DNAH14: variants seen among roughly 807,000 people sequenced by gnomAD.
DNAH14 encodes the protein dynein axonemal heavy chain 14.
In DNAH14, 478 loss-of-function variants were observed where a neutral mutation model predicts 520.9. That is an observed-to-expected ratio of 0.92 (90% CI 0.85 to 0.99). The LOEUF (loss-of-function observed/expected upper bound fraction) is 0.99. Ranked by LOEUF, DNAH14 falls within the 50% of genes least tolerant of loss-of-function variation. The probability of loss-of-function intolerance (pLI) is 0.00; values close to 1 mark genes in which losing one functional copy is unlikely to be tolerated. For missense variants in DNAH14, 4,831 were observed against 5,234.5 expected (o/e 0.92, Z 2.38); for synonymous variants, 1,581 against 1,757.2 (o/e 0.90, Z 2.51).
chr1:225,267,587 G>A lies in DNAH14; in HGVS notation c.7539+818G>A, dbSNP rs1296046018. On this transcript the variant is annotated intron_variant, in intron 49 of 85. Transcript: ENST00000682510. ...TTACAGGCGTGAGCCACCATGCCCGGCCAGAATGGCTTACTTTTTAAACAA... is the reference window on the plus strand; with the variant it reads ...TTACAGGCGTGAGCCACCATGCCCGACCAGAATGGCTTACTTTTTAAACAA... Among the ~76,000 whole-genome samples, 7 of 152,176 alleles carry A rather than the reference G, an allele frequency of 4.6e-5. No individual in the cohort carries two copies. In the South Asian group the frequency reaches 1.0e-3, roughly 23 times the overall value.
At chr1:225,018,444 G>A (rs2065390448) in intron 10 of DNAH14, among the ~76,000 whole-genome samples, 1 of 152,166 alleles carries the variant, frequency 6.6e-6, no homozygotes, top group African/African-American at 2.4e-5. Flanking sequence ...CCTTAAAGAG[G>A]AGAGCAAGCC....
At chr1:225,267,652 C>G (rs1422340379) in intron 49 of DNAH14, among the ~76,000 whole-genome samples, 1 of 152,048 alleles carries the variant, frequency 6.6e-6, no homozygotes. Context: ...TGTTCAGGTC[C>G]TTCTCTGGAA....
chr1:225,104,105 T>C (rs1288501970), intron 23 of DNAH14, among the ~76,000 whole-genome samples: 2 of 152,210 alleles, frequency 1.3e-5, no homozygotes, highest in Non-Finnish European at 2.9e-5. Context: ...TGAAGCGTTG[T>C]TGAATTTTGT....
At chr1:225,283,063 T>G (rs893024523) in intron 54 of DNAH14, among the ~76,000 whole-genome samples, 13 of 151,484 alleles carry the variant, frequency 8.6e-5, no homozygotes, top group Admixed American at 2.0e-4. Context: ...ACTAAAAATA[T>G]ATATAATAAA....
At chr1:225,310,425 T>A (rs960219523) in intron 60 of DNAH14, among the ~76,000 whole-genome samples, 1 of 152,204 alleles carries the variant, frequency 6.6e-6, no homozygotes, top group Non-Finnish European at 1.5e-5. Flanking sequence ...GAAAATTACC[T>A]CACACACTCC....
At position 224,952,723 on chromosome 1, in the gene DNAH14, T is replaced by C. The variant is rs764641745; in HGVS notation, c.21T>C (p.Ile7=). Residue 7 remains isoleucine (I), a synonymous_variant, in exon 2 of 86, where the codon ATT becomes ATC. Transcript: ENST00000682510. ...AACATATGGAGACGTTTATACCCATTGATTTGACAACTGAAAATCAAGAGA... is the reference window on the plus strand; with the variant it reads ...AACATATGGAGACGTTTATACCCATCGATTTGACAACTGAAAATCAAGAGA... The part of the protein sequence containing the change: METFIP[I]DLTTENQEMD... 5 of 1,604,182 alleles carry C rather than the reference T, an allele frequency of 3.1e-6. No individual in the cohort carries two copies. The highest frequency in any genetic ancestry group is 4.3e-6 in the Non-Finnish European group (5 of 1,175,710).
In DNAH14 at chr1:225,193,423, CAT is replaced by C. The variant is rs1281736248; in HGVS notation, c.5886+514_5886+515del. 3.3e-5 allele frequency among the ~76,000 whole-genome samples: 5 copies of C among 152,198 alleles called. No individual in the cohort carries two copies. The South Asian group carries it at 6.2e-4, about 19-fold the overall frequency. On this transcript the variant is annotated intron_variant, in intron 38 of 85. Transcript: ENST00000682510. Reference sequence around the variant, plus strand: ...CAAACAGAGAAGCCAGGTGTGGTGGCATACACCTGTAATCCCAGCTCCTCTGG... The same window carrying C: ...CAAACAGAGAAGCCAGGTGTGGTGGCACACCTGTAATCCCAGCTCCTCTGG...
intron 25 of DNAH14, 103 bp from the exon 26 acceptor site, chr1:225,119,117 A>G (rs1573247635): frequency 1.3e-6 from 1 of 770,240 alleles, no homozygotes; most frequent in East Asian, 3.1e-5. Context: ...GCCCATGAAT[A>G]TTATTAAAGT....
intron 41 of DNAH14, among the ~76,000 whole-genome samples, chr1:225,223,401 T>C (rs12094453): frequency 0.026 from 4,024 of 152,160 alleles, 158 homozygotes; most frequent in African/African-American, 0.081. Flanking sequence ...TCTCTCAAAA[T>C]CCTATTTGGG....
At chr1:225,151,669 A>G (rs143211859) in intron 31 of DNAH14, among the ~76,000 whole-genome samples, 4,227 of 152,240 alleles carry the variant, frequency 0.028, 80 homozygotes, top group Non-Finnish European at 0.037. Context: ...GTGTTCTACT[A>G]TATCTTCCAG....
intron 17 of DNAH14, among the ~76,000 whole-genome samples, chr1:225,056,944 T>C (rs140464362): frequency 0.74 from 112,325 of 152,084 alleles, 44,368 homozygotes; most frequent in Non-Finnish European, 0.88. Flanking sequence ...CCTTGTAGTA[T>C]AGTTTGAAGT....
intron 22 of DNAH14, among the ~76,000 whole-genome samples, chr1:225,100,427 A>G (rs982007459): frequency 1.3e-5 from 2 of 152,128 alleles, no homozygotes; most frequent in Non-Finnish European, 2.9e-5. Context: ...TAGGACACAG[A>G]TTGTTTCTAC....
At chr1:225,341,822 G>A (rs1053443452) in intron 69 of DNAH14, among the ~76,000 whole-genome samples, 4 of 152,160 alleles carry the variant, frequency 2.6e-5, no homozygotes, top group Non-Finnish European at 4.4e-5. Context: ...TAAGTCAACT[G>A]TGATAAAATA....
At chr1:225,150,522 G>A (rs1396908816) in intron 31 of DNAH14, among the ~76,000 whole-genome samples, 2 of 152,082 alleles carry the variant, frequency 1.3e-5, no homozygotes, top group Non-Finnish European at 2.9e-5. Context: ...GAATCTGTTC[G>A]ATCCTGGGCC....
chr1:225,312,250 CTAT>C (rs1178860936), intron 60 of DNAH14, among the ~76,000 whole-genome samples: 1 of 152,038 alleles, frequency 6.6e-6, no homozygotes, highest in African/African-American at 2.4e-5. Flanking sequence ...CTCTGTTTGT[CTAT>C]TATTAGTATA....
chr1:225,152,133 A>T, intron 32 of DNAH14, 60 bp downstream of exon 32: 1 of 1,416,012 alleles, frequency 7.1e-7, no homozygotes, highest in Non-Finnish European at 9.6e-7. Context: ...CTTAAATCTT[A>T]TCTACAGATG....
intron 35 of DNAH14, among the ~76,000 whole-genome samples, chr1:225,166,579 T>C (rs999388195): frequency 2.0e-4 from 31 of 152,322 alleles, no homozygotes; most frequent in African/African-American, 7.5e-4. Flanking sequence ...CATACCCACA[T>C]AGGAATATAT....
At chr1:225,213,060 T>G (rs1314263402) in intron 41 of DNAH14, among the ~76,000 whole-genome samples, 2 of 152,236 alleles carry the variant, frequency 1.3e-5, no homozygotes, top group African/African-American at 4.8e-5. Flanking sequence ...TTTAAGTCTT[T>G]GATCCATCTT....
In DNAH14 at chr1:225,290,078, A is replaced by G; in HGVS notation, c.8465A>G (p.Glu2822Gly). The G allele has an allele frequency of 6.9e-7, 1 of 1,455,044 alleles. No individual in the cohort carries two copies. The highest frequency in any genetic ancestry group is 9.1e-7 in the Non-Finnish European group (1 of 1,094,210). 90.1% of individuals were successfully genotyped at this position (1,455,044 alleles called of 1,614,324 possible). ...CTGATGGTTCCCAATTTAAACATAGAACAAGTAAGTACTTTTTGTCTTTGC... is the reference window on the plus strand; with the variant it reads ...CTGATGGTTCCCAATTTAAACATAGGACAAGTAAGTACTTTTTGTCTTTGC... ...TVLMVPNLNI[E>G]QDSFLEDLNY... is the part of the protein sequence containing the mutation. The change falls in exon 55 of 86, where the codon GAA becomes GGA. Residue 2822 changes from glutamate (E) to glycine (G), a missense_variant. By Grantham distance (98) the Glu-to-Gly change is moderately conservative (BLOSUM62 -2). Transcript: ENST00000682510.
Sources: allele counts gnomAD v4.1 joint callset (sites outside exome capture counted in the v4.1 genomes callset), GRCh38; gene constraint gnomAD v4.1.1; transcripts MANE v1.5; gene names NCBI Gene and HGNC (gene_info 2026-07-23, HGNC 2026-07-21).